Variants in RP1 observed in about 807,000 individuals in gnomAD.
RP1 encodes the protein RP1 axonemal microtubule associated, also known as oxygen-regulated protein 1.
In RP1, 16 loss-of-function variants were observed where a neutral mutation model predicts 14.8. The observed-to-expected ratio is 1.08, with a 90% CI of 0.73 to 1.65. The LOEUF is 1.65. Ranked by LOEUF, RP1 falls within the 40% of genes most tolerant of loss-of-function variation. RP1 has a pLI of 0.00. For synonymous variants in RP1, 876 were observed against 883.6 expected, an observed-to-expected ratio of 0.99 and a Z score of 0.15; for missense variants, 2,631 against 2,535.0, an observed-to-expected ratio of 1.04 and a Z score of -0.81.
intron 1 of RP1, among the ~76,000 whole-genome samples, chr8:54,589,764 A>G (rs929752492): frequency 1.1e-4 from 16 of 152,088 alleles, no homozygotes; most frequent in African/African-American, 3.6e-4. Flanking sequence ...ATCTTTTCTC[A>G]ATTCTGGAAT....
chr8:54,772,235 A>T (rs932931917), downstream of RP1, among the ~76,000 whole-genome samples: 1 of 152,044 alleles, frequency 6.6e-6, no homozygotes, highest in Admixed American at 6.5e-5. Flanking sequence ...GTTGTGAGAG[A>T]ATGTTTTCAG....
At chr8:54,852,866 T>C in intron 26 of RP1, 1 of 554,640 alleles carries the variant, frequency 1.8e-6, no homozygotes, top group Non-Finnish European at 2.7e-6. Flanking sequence ...GGTCATTTCT[T>C]AGTGTGCATG....
chr8:54,748,073 T>C (rs1809271451), intron 19 of RP1, among the ~76,000 whole-genome samples: 1 of 152,254 alleles, frequency 6.6e-6, no homozygotes. Flanking sequence ...GGTGAATTTG[T>C]TATTATTTTA....
intron 6 of RP1, among the ~76,000 whole-genome samples, chr8:54,661,226 G>A (rs1806885235): frequency 6.9e-6 from 1 of 143,974 alleles, no homozygotes; most frequent in African/African-American, 2.6e-5. Context: ...TATACATAAT[G>A]ATATATATAA....
At chr8:54,868,797 C>T (rs1214013425) in intron 28 of RP1, among the ~76,000 whole-genome samples, 1 of 152,136 alleles carries the variant, frequency 6.6e-6, no homozygotes, top group African/African-American at 2.4e-5. Context: ...TTATCAAGTA[C>T]TTAAATGCAA....
chr8:54,792,787 A>C (rs1177033591), intron 24 of RP1, among the ~76,000 whole-genome samples: 1 of 151,936 alleles, frequency 6.6e-6, no homozygotes, highest in African/African-American at 2.4e-5. Context: ...AGGAATCAGA[A>C]AAATAGAACA....
At chr8:54,846,091 T>C (rs942130919) in intron 25 of RP1, among the ~76,000 whole-genome samples, 1 of 152,144 alleles carries the variant, frequency 6.6e-6, no homozygotes, top group African/African-American at 2.4e-5. Context: ...TAATCAGAAA[T>C]GGGCCACCAA....
At chr8:54,852,994 A>T (rs772462284) in intron 26 of RP1, among the ~76,000 whole-genome samples, 5 of 152,248 alleles carry the variant, frequency 3.3e-5, no homozygotes, top group Admixed American at 6.5e-5. Flanking sequence ...ACAACTAGAA[A>T]CATTTGATAA....
downstream of RP1, among the ~76,000 whole-genome samples, chr8:54,771,275 C>T (rs567755805): frequency 6.6e-6 from 1 of 151,864 alleles, no homozygotes; most frequent in South Asian, 2.1e-4. Flanking sequence ...TACAATAAAC[C>T]GTCAAGTAAT....
chr8:54,583,325 C>A (rs1804841667), intron 1 of RP1, among the ~76,000 whole-genome samples: 1 of 152,156 alleles, frequency 6.6e-6, no homozygotes, highest in Non-Finnish European at 1.5e-5. Context: ...TATGTTGAAC[C>A]ACCCTTGCAT....
chr8:54,792,950 G>T (rs142520208), intron 24 of RP1, among the ~76,000 whole-genome samples: 7 of 151,334 alleles, frequency 4.6e-5, no homozygotes, highest in African/African-American at 1.7e-4. Flanking sequence ...TAGACTAATC[G>T]AGAAAAAAAG....
intron 1 of RP1, among the ~76,000 whole-genome samples, chr8:54,587,025 C>G (rs1218230189): frequency 6.6e-6 from 1 of 152,312 alleles, no homozygotes; most frequent in Non-Finnish European, 1.5e-5. Flanking sequence ...CTGACACTCC[C>G]CAGTGAGATG....
At chr8:54,679,449 A>C in exon 10 of RP1, 1 of 1,535,942 alleles carries the variant, frequency 6.5e-7, no homozygotes, top group Non-Finnish European at 8.7e-7. Flanking sequence ...GATGATTGTA[A>C]AATTGTCAGA....
At chr8:54,833,160 A>C (rs1811573596) in intron 24 of RP1, among the ~76,000 whole-genome samples, 1 of 151,818 alleles carries the variant, frequency 6.6e-6, no homozygotes, top group African/African-American at 2.4e-5. Flanking sequence ...CTCCCCTCTT[A>C]ATTTCCAGCT....
intron 15 of RP1, among the ~76,000 whole-genome samples, chr8:54,707,860 A>C (rs796496874): frequency 3.9e-5 from 6 of 152,318 alleles, no homozygotes; most frequent in African/African-American, 1.4e-4. Flanking sequence ...GTGCATAATG[A>C]AGTAGATTTT....
chr8:54,861,411 A>AT (rs776667281), intron 27 of RP1, among the ~76,000 whole-genome samples: 20 of 152,258 alleles, frequency 1.3e-4, no homozygotes, highest in South Asian at 4.1e-4. Context: ...TTGTGACATG[A>AT]TTTTTTTAAC....
chr8:54,612,316 AGCTGCTGTAGGAATGCAG>A (rs1485185696), upstream of RP1, among the ~76,000 whole-genome samples: 1 of 152,200 alleles, frequency 6.6e-6, no homozygotes, highest in Non-Finnish European at 1.5e-5. Context: ...GGATCCTGCA[AGCTGCTGTAGGAATGCAG>A]GCTGCTGTCC....
At chr8:54,804,757 G>T (rs1364264457) in intron 24 of RP1, among the ~76,000 whole-genome samples, 1 of 152,126 alleles carries the variant, frequency 6.6e-6, no homozygotes, top group Non-Finnish European at 1.5e-5. Context: ...CAGATGCAAG[G>T]ATTTGGGTAG....
At chr8:54,750,251 T>C (rs1402533630) in intron 19 of RP1, among the ~76,000 whole-genome samples, 7 of 152,190 alleles carry the variant, frequency 4.6e-5, no homozygotes, top group Non-Finnish European at 1.0e-4. Flanking sequence ...AATAAACATG[T>C]GTTGAGCACT....
Sources: gnomAD v4.1 joint callset for allele counts (sites outside exome capture counted in the v4.1 genomes callset) on GRCh38, gnomAD v4.1.1 for gene constraint, MANE v1.5 for transcripts, NCBI Gene and HGNC (gene_info 2026-07-23, HGNC 2026-07-21) for gene names.